The following PCDHGB2 variants were observed in gnomAD, a reference collection of about 807,000 sequenced individuals.
The protein encoded by PCDHGB2 is protocadherin gamma subfamily B, 2.
In PCDHGB2, 55 loss-of-function variants were observed where a neutral mutation model predicts 59.3. The observed-to-expected ratio is 0.93, with a 90% CI of 0.75 to 1.16. PCDHGB2 has a LOEUF of 1.16. PCDHGB2 is among the 50% of genes most tolerant of loss of function. The pLI is 0.00. For synonymous variants in PCDHGB2, 516 were observed against 512.0 expected, an observed-to-expected ratio of 1.01 and a Z score of -0.11; for missense variants, 1,228 against 1,198.5, an observed-to-expected ratio of 1.02 and a Z score of -0.36.
chr5:141,475,823 T>C (rs2099373850), intron 1 of PCDHGB2: 1 of 360,288 alleles, frequency 2.8e-6, no homozygotes, highest in Non-Finnish European at 5.0e-6. Context: ...TTCCTGGCGC[T>C]AGCGCGTGTC....
chr5:141,429,169 T>TACACACACACACACAC (rs10667977), intron 1 of PCDHGB2: 2 of 145,394 alleles, frequency 1.4e-5, no homozygotes, highest in East Asian at 2.0e-4. Flanking sequence ...ACATTGTTTA[T>TACACACACACACACAC]ACACACACAC....
At chr5:141,369,999 A>C (rs995138311) in intron 1 of PCDHGB2, among the ~76,000 whole-genome samples, 3 of 152,262 alleles carry the variant, frequency 2.0e-5, no homozygotes, top group African/African-American at 7.2e-5. Flanking sequence ...TAAAGCTCAA[A>C]TTAAAAGAAA....
intron 1 of PCDHGB2, chr5:141,478,104 C>T (rs1440105341): frequency 6.2e-7 from 1 of 1,614,118 alleles, no homozygotes; most frequent in South Asian, 1.1e-5. Flanking sequence ...GCTACCCTCA[C>T]TGTGTCAGTA....
chr5:141,478,744 T>C, intron 1 of PCDHGB2: 1 of 1,528,172 alleles, frequency 6.5e-7, no homozygotes, highest in Non-Finnish European at 8.8e-7. Flanking sequence ...TGTGGTCCCA[T>C]TTCAGGGGGA....
At chr5:141,375,835 C>G (rs772317330) in intron 1 of PCDHGB2, 1 of 1,613,984 alleles carries the variant, frequency 6.2e-7, no homozygotes, top group African/African-American at 1.3e-5. Context: ...CCGCAGAGCC[C>G]GGCTACCTGG....
intron 1 of PCDHGB2, among the ~76,000 whole-genome samples, chr5:141,482,141 A>C (rs1302783884): frequency 6.6e-6 from 1 of 152,116 alleles, no homozygotes; most frequent in African/African-American, 2.4e-5. Flanking sequence ...GCTGGCATAA[A>C]AAGGTCAAGT....
chr5:141,415,883 G>A (rs2095968409), intron 1 of PCDHGB2: 1 of 983,982 alleles, frequency 1.0e-6, no homozygotes, highest in African/African-American at 1.7e-5. Context: ...GTACAATATT[G>A]ACAATTCCTA....
chr5:141,431,547 T>TA lies in PCDHGB2; in HGVS notation c.2422-63259dup. On this transcript the variant is annotated intron_variant, in intron 1 of 3. Transcript: ENST00000522605. The surrounding 1 kb of genome is among the most constrained non-coding windows in gnomAD (Gnocchi z 4.8). ...CTGGCCTTGGGCACGCAGCTGCTTG[T>TA]AGTCAACGCTACCGACCCTGACGAA... 6.2e-7 allele frequency: 1 copy of TA among 1,614,096 alleles called. No individual in the cohort carries two copies. The highest frequency in any genetic ancestry group is 8.5e-7 in the Non-Finnish European group (1 of 1,180,022).
At chr5:141,372,283 G>A (rs749946527) in intron 1 of PCDHGB2, 5 of 1,613,198 alleles carry the variant, frequency 3.1e-6, no homozygotes, top group Non-Finnish European at 4.2e-6. Context: ...CGCACGGCGC[G>A]TACCTTGGGC....
chr5:141,441,737 C>T lies in PCDHGB2; in HGVS notation c.2422-53070C>T, dbSNP rs2098268916. 5 of 365,122 alleles carry T rather than the reference C, an allele frequency of 1.4e-5. 1 individual carries two copies. The highest frequency in any genetic ancestry group is 1.1e-4 in the South Asian group (5 of 46,286). 22.6% of individuals were successfully genotyped at this position (365,122 alleles called of 1,614,324 possible). ...TGCAGGCCCGCGACCAGGACTAGCT[C>T]GCGCTCGGCGTCAACGTGAGCCTGC... On this transcript the variant is annotated intron_variant, in intron 1 of 3. Transcript: ENST00000522605.
chr5:141,414,724 G>A (rs1461729604), intron 1 of PCDHGB2: 48 of 1,614,138 alleles, frequency 3.0e-5, no homozygotes, highest in Non-Finnish European at 3.9e-5. Context: ...AGACACTGGC[G>A]TCCTGTATGC....
chr5:141,508,540 G>A (rs993826709), intron 3 of PCDHGB2, among the ~76,000 whole-genome samples: 3 of 152,144 alleles, frequency 2.0e-5, no homozygotes, highest in African/African-American at 4.8e-5. Flanking sequence ...CCCCCCACGA[G>A]GTGGGCGGGG....
intron 1 of PCDHGB2, chr5:141,400,564 C>T: frequency 6.2e-7 from 1 of 1,612,936 alleles, no homozygotes; most frequent in South Asian, 1.1e-5. Context: ...ATTACCCACC[C>T]AATTTTCTGT....
chr5:141,419,386 G>A (rs2096372901), intron 1 of PCDHGB2: 1 of 1,613,650 alleles, frequency 6.2e-7, no homozygotes, highest in Non-Finnish European at 8.5e-7. Context: ...CCGTGAGCGC[G>A]CAGAGCGGGG....
At chr5:141,399,670 GCCTTTGACTACGAGCAGCTGCGCA>G (rs758329241) in intron 1 of PCDHGB2, 2 of 1,613,610 alleles carry the variant, frequency 1.2e-6, no homozygotes, top group East Asian at 4.5e-5. Context: ...CGCGCAGCGC[GCCTTTGACTACGAGCAGCTGCGCA>G]CCTTCGAACT....
In PCDHGB2 at chr5:141,366,007, G is replaced by A. The variant is rs764457320; in HGVS notation, c.2421+3451G>A. 6.2e-6 allele frequency: 10 copies of A among 1,614,058 alleles called. No homozygotes were observed. In the Admixed American group the frequency reaches 6.7e-5, roughly 11 times the overall value. The stretch of plus-strand genomic sequence containing the variant: ...TTGTGCTGGACCAGAACGACAATAC[G>A]CCTGAGATCCTGTACCCCGCCCTCC... On this transcript the variant is annotated intron_variant, in intron 1 of 3. Transcript: ENST00000522605.
chr5:141,501,453 C>T (rs567794395), intron 2 of PCDHGB2, among the ~76,000 whole-genome samples: 1 of 152,094 alleles, frequency 6.6e-6, no homozygotes, highest in Non-Finnish European at 1.5e-5. Flanking sequence ...TTTTACTTTT[C>T]ACTATTCCCC....
intron 1 of PCDHGB2, 73 bp downstream of exon 1, chr5:141,362,629 G>C: frequency 1.3e-6 from 2 of 1,492,810 alleles, no homozygotes; most frequent in Non-Finnish European, 1.8e-6. Flanking sequence ...GTTCCACTGC[G>C]TATTTCTTTG....
At chr5:141,400,511 C>G (rs1456963604) in intron 1 of PCDHGB2, 1 of 1,613,824 alleles carries the variant, frequency 6.2e-7, no homozygotes, top group African/African-American at 1.3e-5. Context: ...GAGTCGACTT[C>G]CCATCCTGAG....
Sources: allele counts gnomAD v4.1 joint callset (sites outside exome capture counted in the v4.1 genomes callset), GRCh38; gene constraint gnomAD v4.1.1; non-coding constraint Gnocchi (gnomAD v3.1); transcripts MANE v1.5; gene names NCBI Gene and HGNC (gene_info 2026-07-23, HGNC 2026-07-21).